PIEZO2: variants seen among roughly 807,000 people sequenced by gnomAD.
The protein encoded by PIEZO2 is piezo-type mechanosensitive ion channel component 2.
Under a neutral mutation model 337.3 loss-of-function variants are expected in PIEZO2, and 172 were observed. The observed-to-expected ratio is 0.51, with a 90% CI of 0.45 to 0.58. PIEZO2 has a LOEUF of 0.58. Ranked by LOEUF, PIEZO2 falls within the 20% of genes least tolerant of loss-of-function variation. The pLI, the probability that PIEZO2 is intolerant of heterozygous loss-of-function variation, is 0.00. For missense variants in PIEZO2, 3,028 were observed against 3,391.3 expected, an observed-to-expected ratio of 0.89 and a Z score of 2.66; for synonymous variants, 1,251 against 1,228.5, an observed-to-expected ratio of 1.02 and a Z score of -0.38.
Position 10,846,482 on chromosome 18 carries a change from T to A in PIEZO2, c.917+8871A>T, listed in dbSNP as rs535897620. 6.6e-6 allele frequency among the ~76,000 whole-genome samples: 1 copy of A among 151,884 alleles called. No individual in the cohort carries two copies. The highest frequency in any genetic ancestry group is 2.1e-4 in the South Asian group (1 of 4,798). On this transcript the variant is annotated intron_variant, in intron 7 of 55. Coordinates refer to ENST00000674853, the MANE Select transcript of PIEZO2 (RefSeq NM_001378183.1). The surrounding 1 kb of genome is among the most constrained non-coding windows in gnomAD (Gnocchi z 4.1). ...TATATAAGGAGATAAAATACAAGGG[T>A]TTTAGGAAACAGAGAGAGAAAAGAA...
At position 10,746,762 on chromosome 18, in the gene PIEZO2, G is replaced by A. The variant is rs2037440189; in HGVS notation, c.4424+1709C>T. On this transcript the variant is annotated intron_variant, in intron 30 of 55. Transcript: ENST00000674853. The surrounding 1 kb of genome is among the most constrained non-coding windows in gnomAD (Gnocchi z 4.2). ...CAAAATAGGATGCAGTGGGAAGATG[G>A]CCATCTATGAGGAAGTGGGCCCTCG... is the stretch of plus-strand genomic sequence containing the variant. Among the ~76,000 whole-genome samples, 1 of 152,176 alleles carries A rather than the reference G, an allele frequency of 6.6e-6. No individual in the cohort carries two copies. The highest frequency in any genetic ancestry group is 2.4e-5 in the African/African-American group (1 of 41,454).
intron 36 of PIEZO2, among the ~76,000 whole-genome samples, chr18:10,721,973 G>A (rs2036329719): frequency 1.3e-5 from 2 of 151,994 alleles, no homozygotes; most frequent in Admixed American, 1.3e-4. Context: ...GGCCAACATG[G>A]TGAAACCCGG....
intron 2 of PIEZO2, among the ~76,000 whole-genome samples, chr18:11,030,630 C>A (rs568967268): frequency 4.0e-4 from 61 of 152,240 alleles, no homozygotes; most frequent in African/African-American, 1.4e-3. Context: ...CGTGCTCCAG[C>A]GAAGAGTTAG....
At chr18:10,997,622 A>T (rs548999799) in intron 2 of PIEZO2, among the ~76,000 whole-genome samples, 6 of 152,216 alleles carry the variant, frequency 3.9e-5, no homozygotes, top group Non-Finnish European at 8.8e-5. Context: ...ACAACACTGT[A>T]TCTGAAATTA....
In PIEZO2 at chr18:11,021,014, C is replaced by G. The variant is rs530448206; in HGVS notation, c.161-41354G>C. ...AAACTGTTCCACTGCCTTAAGTCGA[C>G]ATTCCTGCTCAGCAGAAAAGCACTA... On this transcript the variant is annotated intron_variant, in intron 2 of 55. Transcript: ENST00000674853. This position sits in a 1 kb window ranked among gnomAD's most constrained non-coding sequence, Gnocchi z 4.7. Among the ~76,000 whole-genome samples the G allele has an allele frequency of 8.3e-4, 126 of 152,346 alleles. 3 individuals are homozygous for G. The South Asian group carries it at 0.024, about 30-fold the overall frequency.
At chr18:11,081,740 C>T (rs1038114769) in intron 1 of PIEZO2, among the ~76,000 whole-genome samples, 9 of 151,626 alleles carry the variant, frequency 5.9e-5, no homozygotes, top group African/African-American at 1.9e-4. Flanking sequence ...TGAAAGCAAA[C>T]ACACCCTACT....
At chr18:11,046,542 GT>G (rs2037323676) in intron 2 of PIEZO2, among the ~76,000 whole-genome samples, 1 of 152,264 alleles carries the variant, frequency 6.6e-6, no homozygotes, top group Non-Finnish European at 1.5e-5. Context: ...AATTGTGGAA[GT>G]GAGAGAGTGC....
At chr18:10,974,416 A>G (rs1867458337) in intron 3 of PIEZO2, among the ~76,000 whole-genome samples, 1 of 152,244 alleles carries the variant, frequency 6.6e-6, no homozygotes, top group Admixed American at 6.5e-5. Context: ...GAATCCAACC[A>G]GGAATGCTGC....
At chr18:11,058,285 C>T (rs1448927441) in intron 2 of PIEZO2, among the ~76,000 whole-genome samples, 1 of 152,302 alleles carries the variant, frequency 6.6e-6, no homozygotes, top group Non-Finnish European at 1.5e-5. Context: ...AGGACATCCA[C>T]ACCAAAACCC....
At position 11,132,262 on chromosome 18, in the gene PIEZO2, G is replaced by T. The variant is rs528777390; in HGVS notation, c.64+16263C>A. On this transcript the variant is annotated intron_variant, in intron 1 of 55. Coordinates refer to ENST00000674853, the MANE Select transcript of PIEZO2 (RefSeq NM_001378183.1). This position sits in a 1 kb window ranked among gnomAD's most constrained non-coding sequence, Gnocchi z 4.7. ...ATCCACCAACATGGTATTCCACACC[G>T]CATTGCCTCTGACCAAGGCACTCAC... 1.3e-5 allele frequency among the ~76,000 whole-genome samples: 2 copies of T among 152,122 alleles called. No individual in the cohort carries two copies. Among genetic ancestry groups the T allele is most frequent in the East Asian group, 3.9e-4 (2 of 5,194 alleles).
chr18:11,005,811 G>C (rs190716327), intron 2 of PIEZO2, among the ~76,000 whole-genome samples: 1 of 152,190 alleles, frequency 6.6e-6, no homozygotes, highest in Non-Finnish European at 1.5e-5. Context: ...CTGGAAGCCA[G>C]GCCAGGCAGC....
rs553270884 is a variant in PIEZO2 at position 10,773,203 on chromosome 18, G to A, written c.2785+209C>T. 9.0e-4 allele frequency among the ~76,000 whole-genome samples: 137 copies of A among 152,278 alleles called. 1 individual carries two copies. Among genetic ancestry groups the A allele is most frequent in the Admixed American group, 2.4e-3 (37 of 15,304 alleles). On this transcript the variant is annotated intron_variant, in intron 20 of 55. Coordinates refer to ENST00000674853, the MANE Select transcript of PIEZO2 (RefSeq NM_001378183.1). The surrounding 1 kb of genome is among the most constrained non-coding windows in gnomAD (Gnocchi z 5.3). ...GAGGGTCAGTCACTGATAACCAGTC[G>A]TCTGGTCTCTACTCAGTCAGAATTA...
In PIEZO2 at chr18:11,131,633, G is replaced by A. The variant is rs2040342456; in HGVS notation, c.64+16892C>T. On this transcript the variant is annotated intron_variant, in intron 1 of 55. Coordinates refer to ENST00000674853, the MANE Select transcript of PIEZO2 (RefSeq NM_001378183.1). This position sits in a 1 kb window ranked among gnomAD's most constrained non-coding sequence, Gnocchi z 5.3. ...TGGAAGAAGAAATGGCCAGATATGT[G>A]ATTATATACTGATTAATGGGATGTA... 6.6e-6 allele frequency among the ~76,000 whole-genome samples: 1 copy of A among 152,190 alleles called. No homozygotes were observed. The highest frequency in any genetic ancestry group is 2.4e-5 in the African/African-American group (1 of 41,434).
intron 2 of PIEZO2, among the ~76,000 whole-genome samples, chr18:10,989,139 G>A (rs1186014023): frequency 6.6e-6 from 1 of 152,092 alleles, no homozygotes; most frequent in African/African-American, 2.4e-5. Flanking sequence ...GGAGACTTTG[G>A]AGGGTGGCAG....
In PIEZO2 at chr18:11,050,566, T is replaced by C. The variant is rs868763383; in HGVS notation, c.160+15561A>G. Among the ~76,000 whole-genome samples the C allele has an allele frequency of 1.5e-4, 22 of 151,158 alleles. No homozygotes were observed. The South Asian group carries it at 1.7e-3, about 11-fold the overall frequency. On this transcript the variant is annotated intron_variant, in intron 2 of 55. Coordinates refer to ENST00000674853, the MANE Select transcript of PIEZO2 (RefSeq NM_001378183.1). The stretch of plus-strand genomic sequence containing the variant: ...ACACACACACACACACACGATTACT[T>C]ACAGGATTAGCACAACTTCCTTTTA...
At position 10,929,320 on chromosome 18, in the gene PIEZO2, T is replaced by C. The variant is rs2031946271; in HGVS notation, c.287-18092A>G. 6.6e-6 allele frequency among the ~76,000 whole-genome samples: 1 copy of C among 152,212 alleles called. No homozygotes were observed. Among genetic ancestry groups the C allele is most frequent in the East Asian group, 1.9e-4 (1 of 5,204 alleles). On this transcript the variant is annotated intron_variant, in intron 3 of 55. Transcript: ENST00000674853. The surrounding 1 kb of genome is among the most constrained non-coding windows in gnomAD (Gnocchi z 5.6). ...TGAAGGTGTTATGCTGCTGCATGCA[T>C]GGGTACCCCACATATGCTGTTGTGA...
chr18:10,705,441 T>C lies in PIEZO2; in HGVS notation c.5894A>G (p.Asn1965Ser). The part of the protein sequence containing the change: ...FGSQDDSAGK[N>S]RMAVSPDDSR... ...GTCGTCCGGGCTGACTGCCATACGG[T>C]TCTTGCCTGCAGAGTCGTCCTGCGA... Residue 1965 changes from asparagine to serine, a missense_variant, in exon 41 of 56, where the codon AAC (asparagine) becomes AGC (serine). Physicochemically the swap from Asn to Ser is conservative, Grantham distance 46. Transcript: ENST00000674853. The C allele has an allele frequency of 6.5e-7, 1 of 1,537,072 alleles. No individual in the cohort carries two copies. Among genetic ancestry groups the C allele is most frequent in the Non-Finnish European group, 8.7e-7 (1 of 1,146,876 alleles).
rs1307950164 is a variant in PIEZO2, at chr18:10,877,476, T to A, written c.330-6061A>T. On this transcript the variant is annotated intron_variant, in intron 4 of 55. Coordinates refer to ENST00000674853, the MANE Select transcript of PIEZO2 (RefSeq NM_001378183.1). The surrounding 1 kb of genome is among the most constrained non-coding windows in gnomAD (Gnocchi z 5.3). The stretch of plus-strand genomic sequence containing the variant: ...ACTTCAGTATCCCATAGATTTTCCA[T>A]TCAGTGTTATTCTTACTCCAAATTA... Among the ~76,000 whole-genome samples the A allele has an allele frequency of 2.6e-5, 4 of 152,238 alleles. No homozygotes were observed. Among genetic ancestry groups the A allele is most frequent in the African/African-American group, 9.6e-5 (4 of 41,472 alleles).
chr18:10,996,379 A>T (rs575059564), intron 2 of PIEZO2, among the ~76,000 whole-genome samples: 1 of 152,254 alleles, frequency 6.6e-6, no homozygotes, highest in East Asian at 1.9e-4. Flanking sequence ...TAAAAAATAG[A>T]TCATTTCAAG....
Sources: gnomAD v4.1 joint callset for allele counts (sites outside exome capture counted in the v4.1 genomes callset) on GRCh38, gnomAD v4.1.1 for gene constraint, Gnocchi (gnomAD v3.1) non-coding constraint, MANE v1.5 for transcripts, NCBI Gene and HGNC (gene_info 2026-07-23, HGNC 2026-07-21) for gene names.